OARD1: variants seen among roughly 807,000 people sequenced by gnomAD.
OARD1 encodes the protein O-acyl-ADP-ribose deacylase 1.
OARD1 carries 19 observed loss-of-function variants against 19.7 expected under a neutral mutation model. The observed-to-expected ratio is 0.96, with a 90% confidence interval of 0.67 to 1.41. OARD1 has a LOEUF of 1.41. Among genes scored for constraint, OARD1 ranks in the 40% most tolerant of loss-of-function variants. The pLI, the probability that OARD1 is intolerant of heterozygous loss-of-function variation, is 0.00. For missense variants in OARD1, 190 were observed against 183.8 expected (o/e 1.03, Z -0.20); for synonymous variants, 70 against 61.8 (o/e 1.13, Z -0.62).
rs143543955 is a variant in OARD1 at position 41,096,696 on chromosome 6, C to T, written c.-42+1017G>A. Among the ~76,000 whole-genome samples, 250 of 152,286 alleles carry T rather than the reference C, an allele frequency of 1.6e-3. 1 individual carries two copies. Among genetic ancestry groups the T allele is most frequent in the Middle Eastern group, 0.01 (3 of 294 alleles). ...ATGGGGGAACTAAAGGTGGTTCTTG[C>T]GGAGTGTTGCAAAAAGCTTCCAAGG... On this transcript the variant is annotated intron_variant, in intron 1 of 4. Coordinates refer to the OARD1 transcript ENST00000480585.
rs1198421795 is a variant in OARD1 at position 41,069,600 on chromosome 6, C to T, written c.243+476G>A. The T allele has an allele frequency of 1.0e-4, 21 of 202,262 alleles. No homozygotes were observed. In the Admixed American group the frequency reaches 1.2e-3, roughly 11 times the overall value. The allele number at this position is 202,262 out of a possible 1,614,324, so 12.5% of individuals were successfully genotyped here. On this transcript the variant is annotated intron_variant, in intron 4 of 5. Coordinates refer to ENST00000424266, the MANE Select transcript of OARD1 (RefSeq NM_001329686.2). Reference sequence around the variant, plus strand: ...TGCCATCCTGGACTGTTGAAGAACCCCACATTCAGGCAGTAGTTAGGAGAG... The same window carrying T: ...TGCCATCCTGGACTGTTGAAGAACCTCACATTCAGGCAGTAGTTAGGAGAG...
intron 1 of OARD1, chr6:41,084,229 A>G (rs771924143): frequency 1.8e-5 from 29 of 1,599,678 alleles, no homozygotes; most frequent in Non-Finnish European, 1.8e-5. Context: ...AGTATATCAG[A>G]GGAGAGGTTT....
intron 1 of OARD1, among the ~76,000 whole-genome samples, chr6:41,080,324 T>C (rs1425850106): frequency 2.6e-5 from 4 of 152,090 alleles, no homozygotes; most frequent in Non-Finnish European, 5.9e-5. Context: ...AAAAGAATCT[T>C]AGTTTTGGGA....
At chr6:41,081,567 G>A (rs778921275) in intron 1 of OARD1, among the ~76,000 whole-genome samples, 8 of 152,020 alleles carry the variant, frequency 5.3e-5, no homozygotes, top group Non-Finnish European at 1.0e-4. Flanking sequence ...GTGTATTTGT[G>A]TTACAATGGA....
rs1361632345 is a variant in OARD1 at position 41,066,866 on chromosome 6, A to T, written c.*469T>A. On this transcript the variant is annotated 3_prime_UTR_variant, in exon 6 of 6. Coordinates refer to ENST00000424266, the MANE Select transcript of OARD1 (RefSeq NM_001329686.2). ...GTAACAATGTAGAATTTAATTTTGT[A>T]ATTAAAACAAAAACTCTCCCCTAGG... 1.3e-5 allele frequency: 2 copies of T among 152,286 alleles called. No homozygotes were observed. The highest frequency in any genetic ancestry group is 1.3e-4 in the Admixed American group (2 of 15,294). The allele number at this position is 152,286 out of a possible 1,614,324, so 9.4% of individuals were successfully genotyped here.
rs143191701 is a variant in OARD1, at chr6:41,066,604, A to G, written c.*731T>C. 5 of 152,320 alleles carry G rather than the reference A, an allele frequency of 3.3e-5. No individual in the cohort carries two copies. The highest frequency in any genetic ancestry group is 9.6e-5 in the African/African-American group (4 of 41,574). The allele number at this position is 152,320 out of a possible 1,614,324, so 9.4% of individuals were successfully genotyped here. ...ATCACAGAAACCATGCAGTGGACAA[A>G]AGAGAGAAAAAGTTCACCATGAGGA... On this transcript the variant is annotated 3_prime_UTR_variant, in exon 6 of 6. Transcript: ENST00000424266.
At chr6:41,079,174 C>A in intron 1 of OARD1, 1 of 1,613,820 alleles carries the variant, frequency 6.2e-7, no homozygotes, top group Non-Finnish European at 8.5e-7. Context: ...GGTATGGAAG[C>A]AAAACTGCTT....
At chr6:41,069,970 T>C (rs1763239881) in intron 4 of OARD1, 106 bp downstream of exon 4, 4 of 799,570 alleles carry the variant, frequency 5.0e-6, no homozygotes, top group Non-Finnish European at 9.1e-6. Context: ...TTGTCTAGAA[T>C]AGAACATCAT....
chr6:41,079,063 T>C lies in OARD1; in HGVS notation c.-41-7388A>G, dbSNP rs41273748. 7,818 of 1,609,490 alleles carry C rather than the reference T, an allele frequency of 4.9e-3. 29 individuals carry two copies. Among genetic ancestry groups the C allele is most frequent in the Non-Finnish European group, 5.2e-3 (6,097 of 1,176,338 alleles). ...TCACAGCCTTCTAGGATCTCCAGAG[T>C]GGACAGGAATCTCACTTGGAGGGAC... On this transcript the variant is annotated intron_variant, in intron 1 of 4. Transcript: ENST00000480585.
At chr6:41,075,827 T>C (rs1763717803), upstream of OARD1, 1 of 152,166 alleles carries the variant, frequency 6.6e-6, no homozygotes, top group South Asian at 2.1e-4. Context: ...GATTCCAGTA[T>C]AGGTTTTTAG....
chr6:41,091,027 C>T (rs1217595254), intron 1 of OARD1, among the ~76,000 whole-genome samples: 1 of 152,174 alleles, frequency 6.6e-6, no homozygotes, highest in Non-Finnish European at 1.5e-5. Context: ...CTGGATTGAG[C>T]CCAGGCAAGA....
At chr6:41,069,571 C>T (rs1187543737) in intron 4 of OARD1, 1 of 177,910 alleles carries the variant, frequency 5.6e-6, no homozygotes, top group Non-Finnish European at 1.2e-5. Flanking sequence ...TTTCAGGGAC[C>T]AAATGCCATC....
At chr6:41,071,392 C>G (rs1763377820) in intron 2 of OARD1, 116 bp from the exon 3 acceptor site, 4 of 1,144,732 alleles carry the variant, frequency 3.5e-6, no homozygotes, top group Non-Finnish European at 5.1e-6. Flanking sequence ...TTCCTCCAAT[C>G]TGATTTAAAG....
chr6:41,084,375 A>C lies in OARD1; in HGVS notation c.-41-12700T>G, dbSNP rs527323926. ...AACTAGAACTATGCAGAAATTGGAC[A>C]GCTCCAGTAATGACTAAGATATTAG... On this transcript the variant is annotated intron_variant, in intron 1 of 4. Transcript: ENST00000480585. 2.0e-4 allele frequency among the ~76,000 whole-genome samples: 31 copies of C among 152,354 alleles called. 2 individuals are homozygous for C. In the South Asian group the frequency reaches 6.2e-3, roughly 31 times the overall value.
Position 41,092,824 on chromosome 6 carries a change from C to G in OARD1, c.-42+4889G>C. ...TAAAAATTACTTTTTGTGGCATTTACAAAAAAAATGGATGAAGAGGAACCA... is the reference window on the plus strand; with the variant it reads ...TAAAAATTACTTTTTGTGGCATTTAGAAAAAAAATGGATGAAGAGGAACCA... On this transcript the variant is annotated intron_variant, in intron 1 of 4. Coordinates refer to the OARD1 transcript ENST00000480585. The G allele has an allele frequency of 2.8e-6, 4 of 1,415,558 alleles. No homozygotes were observed. The South Asian group carries it at 5.7e-5, about 20-fold the overall frequency. The allele number at this position is 1,415,558 out of a possible 1,614,324, so 87.7% of individuals were successfully genotyped here.
chr6:41,067,055 G>A lies in OARD1; in HGVS notation c.*280C>T, dbSNP rs1763045990. 1 of 208,566 alleles carries A rather than the reference G, an allele frequency of 4.8e-6. No homozygotes were observed. Among genetic ancestry groups the A allele is most frequent in the Admixed American group, 5.7e-5 (1 of 17,406 alleles). 12.9% of individuals were successfully genotyped at this position (208,566 alleles called of 1,614,324 possible). A position where few individuals can be genotyped will look rare whatever the true frequency, so the allele number is the denominator to read the frequency against. ...AGCCAAACAAATCAGGTAGCATACTGGAGAAAAAGGTCATAGTCCCGACAA... is the reference window on the plus strand; with the variant it reads ...AGCCAAACAAATCAGGTAGCATACTAGAGAAAAAGGTCATAGTCCCGACAA... On this transcript the variant is annotated 3_prime_UTR_variant, in exon 6 of 6. Transcript: ENST00000424266.
At chr6:41,093,564 A>G (rs1764255535) in intron 1 of OARD1, among the ~76,000 whole-genome samples, 1 of 151,320 alleles carries the variant, frequency 6.6e-6, no homozygotes, top group South Asian at 2.1e-4. Context: ...TGCACCTTCC[A>G]TGTTCAAGTG....
chr6:41,080,367 G>A (rs949858362), intron 1 of OARD1, among the ~76,000 whole-genome samples: 3 of 151,978 alleles, frequency 2.0e-5, no homozygotes, highest in East Asian at 3.9e-4. Flanking sequence ...AGATGATTTC[G>A]GTTCATAGTG....
At chr6:41,068,400 A>ACTTTT (rs1763135483) in intron 5 of OARD1, among the ~76,000 whole-genome samples, 1 of 152,256 alleles carries the variant, frequency 6.6e-6, no homozygotes, top group Non-Finnish European at 1.5e-5. Flanking sequence ...TGTGCAGTAT[A>ACTTTT]AAAGGGAATG....
Sources: allele counts gnomAD v4.1 joint callset (sites outside exome capture counted in the v4.1 genomes callset), GRCh38; gene constraint gnomAD v4.1.1; transcripts MANE v1.5; gene names NCBI Gene and HGNC (gene_info 2026-07-23, HGNC 2026-07-21).